The following DLG2 variants were observed in gnomAD, a reference collection of about 807,000 sequenced individuals.
DLG2 encodes discs large MAGUK scaffold protein 2.
A neutral mutation model predicts 132.5 loss-of-function variants in DLG2; 45 were observed. That is an observed-to-expected ratio of 0.34 (90% confidence interval 0.27 to 0.44). The LOEUF is 0.44. Among genes scored for constraint, DLG2 ranks in the 20% least tolerant of loss-of-function variants. The pLI is 1.00. For synonymous variants in DLG2, 424 were observed against 419.6 expected (o/e 1.01, Z -0.13); for missense variants, 1,045 against 1,196.9 (o/e 0.87, Z 1.87).
intron 8 of DLG2, among the ~76,000 whole-genome samples, chr11:84,218,370 G>C (rs1388585024): frequency 9.2e-6 from 1 of 108,234 alleles, no homozygotes; most frequent in Non-Finnish European, 1.8e-5. Context: ...GAGAGAAAGG[G>C]AGAAAGGGAG....
chr11:84,645,159 G>C (rs1022012942), intron 6 of DLG2, among the ~76,000 whole-genome samples: 2 of 152,174 alleles, frequency 1.3e-5, no homozygotes, highest in African/African-American at 4.8e-5. Context: ...TATGAAGGGA[G>C]ACAGGCTTTG....
At chr11:85,107,263 T>G (rs754265373) in intron 6 of DLG2, among the ~76,000 whole-genome samples, 1 of 152,038 alleles carries the variant, frequency 6.6e-6, no homozygotes, top group Non-Finnish European at 1.5e-5. Flanking sequence ...TGTGCAAATA[T>G]GCAACAAAAC....
At chr11:84,942,089 G>A (rs1006579949) in intron 6 of DLG2, among the ~76,000 whole-genome samples, 4 of 152,122 alleles carry the variant, frequency 2.6e-5, no homozygotes, top group African/African-American at 9.7e-5. Context: ...GGTGGTATCA[G>A]TTGTAATGTC....
chr11:84,020,399 T>C (rs951257026), intron 11 of DLG2, among the ~76,000 whole-genome samples: 1 of 152,190 alleles, frequency 6.6e-6, no homozygotes, highest in African/African-American at 2.4e-5. Flanking sequence ...CATACTTACA[T>C]ACATACATAC....
At chr11:84,530,217 T>C (rs2099332481) in intron 7 of DLG2, among the ~76,000 whole-genome samples, 1 of 152,158 alleles carries the variant, frequency 6.6e-6, no homozygotes, top group African/African-American at 2.4e-5. Context: ...GGAAATACTA[T>C]TCTGGAAAGA....
chr11:83,671,175 G>T (rs1413945197), intron 18 of DLG2, among the ~76,000 whole-genome samples: 1 of 152,158 alleles, frequency 6.6e-6, no homozygotes, highest in African/African-American at 2.4e-5. Flanking sequence ...ACATGGCCCT[G>T]CAACGTGGTA....
intron 18 of DLG2, among the ~76,000 whole-genome samples, chr11:83,657,599 C>T (rs1298283145): frequency 7.0e-5 from 9 of 129,274 alleles, no homozygotes; most frequent in Non-Finnish European, 1.2e-4. Flanking sequence ...AGTGCAGTGG[C>T]GCGATCTCGG....
chr11:84,081,497 G>A (rs1445918666), intron 10 of DLG2, among the ~76,000 whole-genome samples: 1 of 151,912 alleles, frequency 6.6e-6, no homozygotes, highest in African/African-American at 2.4e-5. Flanking sequence ...CCAGAAATAT[G>A]TAAGTAACAA....
intron 8 of DLG2, among the ~76,000 whole-genome samples, chr11:84,203,749 G>A (rs947388956): frequency 6.6e-6 from 1 of 151,936 alleles, no homozygotes; most frequent in African/African-American, 2.4e-5. Flanking sequence ...ACACATGGAA[G>A]GGAAAAACAC....
intron 6 of DLG2, among the ~76,000 whole-genome samples, chr11:84,552,772 A>T (rs955063641): frequency 3.3e-5 from 5 of 152,156 alleles, no homozygotes; most frequent in Non-Finnish European, 5.9e-5. Flanking sequence ...TTCCTTATCT[A>T]TATACTCTCC....
chr11:84,552,407 A>G (rs549174432), intron 6 of DLG2, among the ~76,000 whole-genome samples: 120 of 152,232 alleles, frequency 7.9e-4, no homozygotes, highest in Middle Eastern at 3.4e-3. Context: ...GGAATGGATC[A>G]CCTCCAATGT....
chr11:83,830,784 C>T (rs375367069), intron 17 of DLG2, among the ~76,000 whole-genome samples: 1 of 152,294 alleles, frequency 6.6e-6, no homozygotes, highest in East Asian at 1.9e-4. Flanking sequence ...CTCTTTTCTT[C>T]TGATCTGGAA....
chr11:85,254,049 C>T (rs567486571), intron 4 of DLG2, among the ~76,000 whole-genome samples: 77 of 152,262 alleles, frequency 5.1e-4, no homozygotes, highest in African/African-American at 1.5e-3. Flanking sequence ...AGGCAACATT[C>T]GGGCAGGAAA....
chr11:84,677,894 T>C (rs1222062419), intron 6 of DLG2, among the ~76,000 whole-genome samples: 1 of 151,862 alleles, frequency 6.6e-6, no homozygotes, highest in Non-Finnish European at 1.5e-5. Context: ...GTCTCAAAAA[T>C]AATAGTATTG....
At chr11:84,604,487 G>T (rs540973759) in intron 6 of DLG2, among the ~76,000 whole-genome samples, 1 of 151,928 alleles carries the variant, frequency 6.6e-6, no homozygotes, top group Non-Finnish European at 1.5e-5. Flanking sequence ...GGCAACTACT[G>T]CAATAGGTAT....
At chr11:84,750,361 A>C (rs184512521) in intron 6 of DLG2, among the ~76,000 whole-genome samples, 1 of 152,302 alleles carries the variant, frequency 6.6e-6, no homozygotes, top group Admixed American at 6.5e-5. Flanking sequence ...TTCTGTATGT[A>C]CAATGAGGAA....
chr11:83,944,649 T>C (rs555875905), intron 14 of DLG2, among the ~76,000 whole-genome samples: 7 of 152,328 alleles, frequency 4.6e-5, no homozygotes, highest in African/African-American at 1.7e-4. Context: ...CTATTATATC[T>C]AACCAATCCG....
intron 8 of DLG2, among the ~76,000 whole-genome samples, chr11:84,209,033 G>A (rs1355228303): frequency 3.9e-5 from 6 of 152,232 alleles, no homozygotes; most frequent in Non-Finnish European, 8.8e-5. Flanking sequence ...TGTATACATA[G>A]GATAATATAC....
chr11:84,502,108 CTCTG>C lies in DLG2; in HGVS notation c.519+32458_519+32461del, dbSNP rs1177170893. 6.2e-5 allele frequency among the ~76,000 whole-genome samples: 8 copies of C among 129,148 alleles called. 1 individual carries two copies. Among genetic ancestry groups the C allele is most frequent in the Admixed American group, 1.5e-4 (2 of 13,582 alleles). The allele number at this position is 129,148 out of a possible 152,430, so 84.7% of individuals were successfully genotyped here. On this transcript the variant is annotated intron_variant, in intron 7 of 27. Transcript: ENST00000376104. Reference sequence around the variant, plus strand: ...CCTTCCTTCCTTTCTTTCTCACTCTCTCTGTCTTTCTCTCTTTCTCTCTTTCTCC... The same window carrying C: ...CCTTCCTTCCTTTCTTTCTCACTCTCTCTTTCTCTCTTTCTCTCTTTCTCC...
Sources: allele counts gnomAD v4.1 joint callset (sites outside exome capture counted in the v4.1 genomes callset), GRCh38; gene constraint gnomAD v4.1.1; transcripts MANE v1.5; gene names NCBI Gene and HGNC (gene_info 2026-07-23, HGNC 2026-07-21).